Variants in ALK observed in about 807,000 individuals in gnomAD.
ALK encodes ALK receptor tyrosine kinase.
ALK carries 74 observed loss-of-function variants against 163.1 expected under a neutral mutation model. That is an observed-to-expected ratio of 0.45 (90% confidence interval 0.38 to 0.55). The LOEUF is 0.55. Ranked by LOEUF, ALK falls within the 20% of genes least tolerant of loss-of-function variation. ALK has a pLI of 0.00. For synonymous variants in ALK, 960 were observed against 843.2 expected, an observed-to-expected ratio of 1.14 and a Z score of -2.40; for missense variants, 2,063 against 2,105.3, an observed-to-expected ratio of 0.98 and a Z score of 0.39.
intron 11 of ALK, among the ~76,000 whole-genome samples, chr2:29,265,011 T>C (rs1198075888): frequency 6.6e-6 from 1 of 151,576 alleles, no homozygotes; most frequent in African/African-American, 2.4e-5. Flanking sequence ...TGCCCTGTTT[T>C]TTTTTTGTTG....
chr2:29,677,938 T>C (rs1677934539), intron 3 of ALK, among the ~76,000 whole-genome samples: 1 of 152,098 alleles, frequency 6.6e-6, no homozygotes, highest in Non-Finnish European at 1.5e-5. Context: ...GGGTAGATTT[T>C]CAATTACTAA....
At chr2:29,261,604 G>C (rs552095872) in intron 11 of ALK, among the ~76,000 whole-genome samples, 16 of 152,264 alleles carry the variant, frequency 1.1e-4, no homozygotes, top group Non-Finnish European at 2.2e-4. Context: ...CCATGGTCTA[G>C]AACCTGCCGT....
Position 29,611,800 on chromosome 2 carries a change from T to C in ALK, c.953-79684A>G, listed in dbSNP as rs139723898. 7.0e-3 allele frequency among the ~76,000 whole-genome samples: 1,073 copies of C among 152,302 alleles called. 13 individuals are homozygous for C. The highest frequency in any genetic ancestry group is 0.047 in the South Asian group (227 of 4,810). ...TCTGTCTCCTGCCACAGGTGTTTGCTTCCCCTTTGTATCCACCATGATTGT... is the reference window on the plus strand; with the variant it reads ...TCTGTCTCCTGCCACAGGTGTTTGCCTCCCCTTTGTATCCACCATGATTGT... On this transcript the variant is annotated intron_variant, in intron 3 of 28. Coordinates refer to ENST00000389048, the MANE Select transcript of ALK (RefSeq NM_004304.5).
chr2:29,685,083 A>G (rs1002721376), intron 3 of ALK, among the ~76,000 whole-genome samples: 1 of 152,174 alleles, frequency 6.6e-6, no homozygotes, highest in African/African-American at 2.4e-5. Flanking sequence ...ATAGGAATCA[A>G]TTGTGACTGT....
At chr2:29,578,197 C>T (rs1674579057) in intron 3 of ALK, among the ~76,000 whole-genome samples, 1 of 151,812 alleles carries the variant, frequency 6.6e-6, no homozygotes, top group African/African-American at 2.4e-5. Flanking sequence ...AGTTTCCCTA[C>T]ACAAGCTCTC....
At chr2:29,584,338 T>A (rs1674811305) in intron 3 of ALK, among the ~76,000 whole-genome samples, 1 of 152,230 alleles carries the variant, frequency 6.6e-6, no homozygotes, top group Non-Finnish European at 1.5e-5. Context: ...AAATAAAATC[T>A]GAGAAAAGTT....
intron 1 of ALK, among the ~76,000 whole-genome samples, chr2:29,835,092 A>ATT (rs749048057): frequency 6.6e-6 from 1 of 152,164 alleles, no homozygotes; most frequent in Non-Finnish European, 1.5e-5. Context: ...GAAACAAGCA[A>ATT]TTTTGACCCA....
At chr2:29,225,809 G>A (rs1161883343) in intron 18 of ALK, among the ~76,000 whole-genome samples, 1 of 152,218 alleles carries the variant, frequency 6.6e-6, no homozygotes, top group African/African-American at 2.4e-5. Context: ...TCAGTGGCGG[G>A]ATGTTGGTTT....
At chr2:29,784,734 C>CAAA (rs1553361859) in intron 1 of ALK, among the ~76,000 whole-genome samples, 5 of 151,026 alleles carry the variant, frequency 3.3e-5, no homozygotes, top group African/African-American at 7.3e-5. Flanking sequence ...ACAACAACAA[C>CAAA]AAAGAACTGA....
chr2:29,637,389 G>A (rs1439609610), intron 3 of ALK, among the ~76,000 whole-genome samples: 1 of 152,146 alleles, frequency 6.6e-6, no homozygotes, highest in African/African-American at 2.4e-5. Flanking sequence ...TTACAAAAGT[G>A]TAGAAATGGA....
Position 29,921,180 on chromosome 2 carries a change from C to T in ALK, c.-521G>A. ...CTTTTGGCTCCTCCAAGCTCTTCTG[C>T]CCGGTCTGGGCGGGAACCGAGGGCG... On this transcript the variant is annotated 5_prime_UTR_variant, in exon 1 of 29. Transcript: ENST00000389048. 4.2e-6 allele frequency: 1 copy of T among 235,438 alleles called. No individual in the cohort carries two copies. The highest frequency in any genetic ancestry group is 8.4e-6 in the Non-Finnish European group (1 of 119,652). The allele number at this position is 235,438 out of a possible 1,614,324, so 14.6% of individuals were successfully genotyped here.
intron 1 of ALK, among the ~76,000 whole-genome samples, chr2:29,728,567 A>G (rs925796907): frequency 7.9e-5 from 12 of 152,200 alleles, no homozygotes; most frequent in African/African-American, 2.9e-4. Flanking sequence ...ACCCTATGAG[A>G]ACGTATGATG....
At chr2:29,700,391 A>T (rs1678698012) in intron 2 of ALK, among the ~76,000 whole-genome samples, 1 of 152,108 alleles carries the variant, frequency 6.6e-6, no homozygotes, top group Admixed American at 6.5e-5. Flanking sequence ...CTAAAAATAC[A>T]AAATTAGCCA....
intron 1 of ALK, among the ~76,000 whole-genome samples, chr2:29,901,300 T>C (rs1478563574): frequency 3.3e-5 from 5 of 152,230 alleles, no homozygotes; most frequent in African/African-American, 1.2e-4. Context: ...TTCTCTTCTC[T>C]CCAATCCCCC....
chr2:29,592,665 C>T (rs1304512211), intron 3 of ALK, among the ~76,000 whole-genome samples: 1 of 152,060 alleles, frequency 6.6e-6, no homozygotes, highest in African/African-American at 2.4e-5. Flanking sequence ...AAACAGTGTC[C>T]CTCAGAAAGA....
At chr2:29,230,710 G>T (rs571636175) in intron 15 of ALK, among the ~76,000 whole-genome samples, 1 of 152,154 alleles carries the variant, frequency 6.6e-6, no homozygotes, top group Non-Finnish European at 1.5e-5. Flanking sequence ...AACCTCCAGG[G>T]GTGGGTGTTG....
At chr2:29,345,320 T>G (rs986657512) in intron 5 of ALK, among the ~76,000 whole-genome samples, 2 of 151,884 alleles carry the variant, frequency 1.3e-5, no homozygotes, top group Non-Finnish European at 2.9e-5. Context: ...CACCTGAGCC[T>G]GGGAGTTCTC....
In ALK at chr2:29,399,425, C is replaced by A. The variant is rs544132481; in HGVS notation, c.1155-15566G>T. Among the ~76,000 whole-genome samples, 83 of 152,330 alleles carry A rather than the reference C, an allele frequency of 5.4e-4. 2 individuals are homozygous for A. In the South Asian group the frequency reaches 0.017, roughly 30 times the overall value. On this transcript the variant is annotated intron_variant, in intron 4 of 28. Coordinates refer to ENST00000389048, the MANE Select transcript of ALK (RefSeq NM_004304.5). ...CACACATACAACCCCCACCGCCCAACTAATCTGATTCTTACAGCCACCCTG... is the reference window on the plus strand; with the variant it reads ...CACACATACAACCCCCACCGCCCAAATAATCTGATTCTTACAGCCACCCTG...
chr2:29,812,101 G>A (rs568770080), intron 1 of ALK, among the ~76,000 whole-genome samples: 9 of 152,306 alleles, frequency 5.9e-5, no homozygotes, highest in African/African-American at 2.2e-4. Context: ...GGAAGGACAA[G>A]TATGAGACAC....
Sources: gnomAD v4.1 joint callset for allele counts (sites outside exome capture counted in the v4.1 genomes callset) on GRCh38, gnomAD v4.1.1 for gene constraint, MANE v1.5 for transcripts, NCBI Gene and HGNC (gene_info 2026-07-23, HGNC 2026-07-21) for gene names.